UNC13C: variants seen among roughly 807,000 people sequenced by gnomAD.
The protein encoded by UNC13C is unc-13 homolog C, also known as protein unc-13 homolog C.
In UNC13C, 174 loss-of-function variants were observed where a neutral mutation model predicts 245.4. That is an observed-to-expected ratio of 0.71 (90% CI 0.63 to 0.80). The LOEUF is 0.80. Ranked by LOEUF, UNC13C falls within the 30% of genes least tolerant of loss-of-function variation. The pLI is 0.00. For synonymous variants in UNC13C, 992 were observed against 895.1 expected, an observed-to-expected ratio of 1.11 and a Z score of -1.93; for missense variants, 2,829 against 2,602.9, an observed-to-expected ratio of 1.09 and a Z score of -1.89.
chr15:54,062,736 C>G (rs1897899893), intron 2 of UNC13C, among the ~76,000 whole-genome samples: 1 of 152,218 alleles, frequency 6.6e-6, no homozygotes. Flanking sequence ...GTTAGAAACT[C>G]TACTGGTAGA....
intron 30 of UNC13C, among the ~76,000 whole-genome samples, chr15:54,618,260 G>A (rs1596688461): frequency 6.6e-6 from 1 of 152,068 alleles, no homozygotes; most frequent in East Asian, 1.9e-4. Flanking sequence ...TGAGCTTCCT[G>A]CCCTCTGTCA....
At chr15:53,950,486 T>TA in the UNC13C span, among the ~76,000 whole-genome samples, 1 of 152,164 alleles carries the variant, frequency 6.6e-6, no homozygotes, top group Non-Finnish European at 1.5e-5. Context: ...ATGGTAGCTT[T>TA]TTCCAGTATA....
chr15:54,256,722 A>G (rs372509562), intron 8 of UNC13C, among the ~76,000 whole-genome samples: 98 of 152,300 alleles, frequency 6.4e-4, no homozygotes, highest in South Asian at 3.7e-3. Flanking sequence ...GTTTGGTACT[A>G]TCTGCGGTTT....
the UNC13C span, among the ~76,000 whole-genome samples, chr15:53,910,491 A>G: frequency 1.4e-5 from 2 of 146,786 alleles, 1 homozygote; most frequent in Non-Finnish European, 3.1e-5. Flanking sequence ...CACAAGAGAC[A>G]TGGCTCTTGG....
intron 30 of UNC13C, among the ~76,000 whole-genome samples, chr15:54,595,398 C>G (rs1228920266): frequency 6.6e-6 from 1 of 152,048 alleles, no homozygotes; most frequent in Non-Finnish European, 1.5e-5. Flanking sequence ...TTTTCTACTC[C>G]CAAAGATGCA....
intron 17 of UNC13C, among the ~76,000 whole-genome samples, chr15:54,346,729 C>A (rs1454152191): frequency 3.9e-5 from 6 of 152,184 alleles, no homozygotes; most frequent in Non-Finnish European, 8.8e-5. Flanking sequence ...TTGCCAGGCT[C>A]CGCATCTGCA....
rs550182881 is a variant in UNC13C, at chr15:54,450,566, G to C, written c.4933+35499G>C. ...AGGCTCCATGGGCTTGGGACCCTCT[G>C]AGCCAGACGTGGGATATAATCTCCT... is the stretch of plus-strand genomic sequence containing the variant. On this transcript the variant is annotated intron_variant, in intron 19 of 32. Transcript: ENST00000260323. Among the ~76,000 whole-genome samples the C allele has an allele frequency of 9.4e-4, 143 of 152,334 alleles. 6 individuals carry two copies. In the South Asian group the frequency reaches 0.029, roughly 31 times the overall value.
At chr15:54,275,968 C>T (rs2036822815) in intron 10 of UNC13C, among the ~76,000 whole-genome samples, 1 of 152,048 alleles carries the variant, frequency 6.6e-6, no homozygotes, top group Non-Finnish European at 1.5e-5. Flanking sequence ...TGTAGGTATA[C>T]ACAATATCTT....
intron 2 of UNC13C, among the ~76,000 whole-genome samples, chr15:54,024,684 C>T (rs928320459): frequency 5.9e-5 from 9 of 152,042 alleles, no homozygotes; most frequent in Non-Finnish European, 7.4e-5. Flanking sequence ...TTTGGGAGGC[C>T]GAGGCGGGCG....
chr15:54,606,806 G>C (rs1399986316), intron 30 of UNC13C, among the ~76,000 whole-genome samples: 1 of 152,148 alleles, frequency 6.6e-6, no homozygotes, highest in African/African-American at 2.4e-5. Flanking sequence ...TCTTTCTACT[G>C]GGACCAAATT....
chr15:54,480,852 A>G (rs1167155532), intron 19 of UNC13C, among the ~76,000 whole-genome samples: 1 of 152,102 alleles, frequency 6.6e-6, no homozygotes, highest in African/African-American at 2.4e-5. Flanking sequence ...AATTTTATCA[A>G]TTAGCTTTTA....
At chr15:54,004,080 G>A (rs1311638753) in intron 1 of UNC13C, among the ~76,000 whole-genome samples, 1 of 152,102 alleles carries the variant, frequency 6.6e-6, no homozygotes, top group African/African-American at 2.4e-5. Flanking sequence ...AGTCGCCGTA[G>A]TGTGCTATCA....
chr15:54,449,382 T>A (rs1187896648), intron 19 of UNC13C, among the ~76,000 whole-genome samples: 1 of 152,222 alleles, frequency 6.6e-6, no homozygotes, highest in East Asian at 1.9e-4. Flanking sequence ...TCCAACTTGG[T>A]TCCATTCTCT....
intron 25 of UNC13C, among the ~76,000 whole-genome samples, chr15:54,531,808 T>C (rs1818708): frequency 0.53 from 80,410 of 151,908 alleles, 21,829 homozygotes; most frequent in East Asian, 0.68. Flanking sequence ...AAAGAAACCC[T>C]ATACCCATTA....
chr15:54,217,960 AC>A (rs1428134297), intron 4 of UNC13C, among the ~76,000 whole-genome samples: 27 of 151,890 alleles, frequency 1.8e-4, no homozygotes, highest in African/African-American at 6.3e-4. Context: ...TAATGTCAAG[AC>A]CTATTCACCT....
intron 17 of UNC13C, among the ~76,000 whole-genome samples, chr15:54,369,139 G>T (rs2039431082): frequency 6.6e-6 from 1 of 151,876 alleles, no homozygotes; most frequent in African/African-American, 2.4e-5. Flanking sequence ...CCTGTATTTT[G>T]ATAGCTACAA....
chr15:53,906,704 T>TTAG, the UNC13C span, among the ~76,000 whole-genome samples: 1 of 152,184 alleles, frequency 6.6e-6, no homozygotes, highest in Admixed American at 6.5e-5. Flanking sequence ...GTACCCTGTA[T>TTAG]TAGTCCATTC....
chr15:54,292,709 T>C (rs1278991883), intron 10 of UNC13C, among the ~76,000 whole-genome samples: 4 of 151,672 alleles, frequency 2.6e-5, no homozygotes, highest in Admixed American at 2.6e-4. Flanking sequence ...AGTTTTAGTT[T>C]AATGATAGGT....
chr15:54,493,762 A>G (rs1893828478), intron 19 of UNC13C, among the ~76,000 whole-genome samples: 1 of 152,092 alleles, frequency 6.6e-6, no homozygotes, highest in Non-Finnish European at 1.5e-5. Context: ...AAACTGGCCA[A>G]ATATTATTAA....
Sources: gnomAD v4.1 joint callset for allele counts (sites outside exome capture counted in the v4.1 genomes callset) on GRCh38, gnomAD v4.1.1 for gene constraint, MANE v1.5 for transcripts, NCBI Gene and HGNC (gene_info 2026-07-23, HGNC 2026-07-21) for gene names.